The following MEGF11 variants were observed in gnomAD, a reference collection of about 807,000 sequenced individuals.
The protein encoded by MEGF11 is multiple epidermal growth factor-like domains protein 11.
Under a neutral mutation model 146.6 loss-of-function variants are expected in MEGF11, and 126 were observed. That is an observed-to-expected ratio of 0.86 (90% CI 0.74 to 1.00). MEGF11 has a LOEUF of 1.00. MEGF11 is among the 50% of genes least tolerant of loss of function. MEGF11 has a pLI of 0.00. For synonymous variants in MEGF11, 532 were observed against 583.4 expected (o/e 0.91, Z 1.27); for missense variants, 1,509 against 1,521.2 (o/e 0.99, Z 0.13).
chr15:65,954,289 G>A (rs1487918122), intron 10 of MEGF11, among the ~76,000 whole-genome samples: 1 of 152,186 alleles, frequency 6.6e-6, no homozygotes, highest in Non-Finnish European at 1.5e-5. Context: ...ATTACTGACT[G>A]CGGGACATCT....
intron 4 of MEGF11, among the ~76,000 whole-genome samples, chr15:66,105,698 G>C (rs781380240): frequency 6.6e-6 from 1 of 152,216 alleles, no homozygotes; most frequent in African/African-American, 2.4e-5. Flanking sequence ...TGAGCCCTGC[G>C]GCTGTTTCAG....
intron 4 of MEGF11, among the ~76,000 whole-genome samples, chr15:66,106,719 A>T (rs999777354): frequency 2.6e-5 from 4 of 152,130 alleles, no homozygotes; most frequent in African/African-American, 9.7e-5. Flanking sequence ...GCCTCCACAC[A>T]TGCAGACTCA....
chr15:65,906,358 A>T (rs193015653), intron 23 of MEGF11, among the ~76,000 whole-genome samples: 232 of 152,198 alleles, frequency 1.5e-3, no homozygotes, highest in Middle Eastern at 6.8e-3. Context: ...TGTTTTGATT[A>T]TAGGAATTAT....
chr15:66,221,933 A>C (rs1280147551), intron 1 of MEGF11, among the ~76,000 whole-genome samples: 2 of 152,190 alleles, frequency 1.3e-5, no homozygotes, highest in Admixed American at 1.3e-4. Flanking sequence ...GCTGGCCGGC[A>C]ATAAGTATTC....
chr15:65,902,183 A>G (rs1489827414), intron 24 of MEGF11: 1 of 152,248 alleles, frequency 6.6e-6, no homozygotes, highest in Non-Finnish European at 1.5e-5. Context: ...TCAATGCCTA[A>G]AAGAACCTCG....
At chr15:66,207,217 T>C (rs1254741970) in intron 1 of MEGF11, among the ~76,000 whole-genome samples, 1 of 144,798 alleles carries the variant, frequency 6.9e-6, no homozygotes, top group Admixed American at 6.9e-5. Context: ...AAATTCCAAG[T>C]AGGATAATCA....
intron 5 of MEGF11, among the ~76,000 whole-genome samples, chr15:66,059,452 G>A (rs1161715426): frequency 6.6e-6 from 1 of 152,148 alleles, no homozygotes; most frequent in Non-Finnish European, 1.5e-5. Flanking sequence ...CTCATCGGCT[G>A]CCATATTTGC....
At chr15:66,126,569 T>C (rs997538326) in intron 2 of MEGF11, among the ~76,000 whole-genome samples, 3 of 152,156 alleles carry the variant, frequency 2.0e-5, no homozygotes, top group African/African-American at 7.2e-5. Flanking sequence ...GAGGGGGCCC[T>C]CCCTGTGGGG....
intron 10 of MEGF11, among the ~76,000 whole-genome samples, chr15:65,950,981 G>A (rs143871097): frequency 6.6e-6 from 1 of 152,334 alleles, no homozygotes; most frequent in East Asian, 1.9e-4. Context: ...TGCTTTAAGG[G>A]CATTGGGTCT....
intron 1 of MEGF11, among the ~76,000 whole-genome samples, chr15:66,199,794 C>T (rs2091104978): frequency 6.6e-6 from 1 of 151,516 alleles, no homozygotes; most frequent in Admixed American, 6.6e-5. Context: ...ATCTTAAAAA[C>T]AAAAAACAAA....
chr15:65,934,479 G>C (rs187706102), intron 10 of MEGF11, among the ~76,000 whole-genome samples: 5 of 152,232 alleles, frequency 3.3e-5, no homozygotes, highest in Non-Finnish European at 1.5e-5. Context: ...TCGAACTCCC[G>C]ACCTCAGGTG....
At chr15:65,947,129 C>CT (rs112016699) in intron 10 of MEGF11, among the ~76,000 whole-genome samples, 2,113 of 152,250 alleles carry the variant, frequency 0.014, 30 homozygotes, top group South Asian at 0.046. Context: ...TATTCATGAC[C>CT]TTTTTTTGCA....
intron 1 of MEGF11, among the ~76,000 whole-genome samples, chr15:66,176,859 G>C (rs2090400366): frequency 6.6e-6 from 1 of 151,578 alleles, no homozygotes; most frequent in Non-Finnish European, 1.5e-5. Flanking sequence ...CCACCTACCA[G>C]ATCCTGACAG....
At chr15:66,002,424 A>C (rs58979530) in intron 5 of MEGF11, among the ~76,000 whole-genome samples, 274 of 152,336 alleles carry the variant, frequency 1.8e-3, no homozygotes, top group African/African-American at 6.1e-3. Context: ...CATGGTTTAA[A>C]GTGGACCAAG....
At chr15:66,213,731 T>A (rs1215349154) in intron 1 of MEGF11, among the ~76,000 whole-genome samples, 1 of 151,884 alleles carries the variant, frequency 6.6e-6, no homozygotes, top group African/African-American at 2.4e-5. Flanking sequence ...ATTGTTTATT[T>A]TATTTATTTT....
At chr15:65,983,950 A>G (rs912302564) in intron 5 of MEGF11, among the ~76,000 whole-genome samples, 2 of 152,194 alleles carry the variant, frequency 1.3e-5, no homozygotes, top group Admixed American at 6.5e-5. Flanking sequence ...GATCAGCCCC[A>G]CCAGTCCCCG....
chr15:65,918,216 G>C, intron 15 of MEGF11, 122 bp from the exon 16 acceptor site: 2 of 1,417,916 alleles, frequency 1.4e-6, no homozygotes, highest in South Asian at 2.6e-5. Flanking sequence ...CATGGATCTG[G>C]ATGGAGACCA....
chr15:66,015,775 T>C (rs940693425), intron 5 of MEGF11, among the ~76,000 whole-genome samples: 1 of 152,016 alleles, frequency 6.6e-6, no homozygotes, highest in East Asian at 1.9e-4. Context: ...TGGGAAGGAG[T>C]GCTGGGAACT....
chr15:65,922,520 C>G, intron 14 of MEGF11, 48 bp from the exon 15 acceptor site: 1 of 1,498,590 alleles, frequency 6.7e-7, no homozygotes, highest in Non-Finnish European at 8.9e-7. Context: ...AGACCCCAGC[C>G]AGCCTAGCTA....
Sources: gnomAD v4.1 joint callset for allele counts (sites outside exome capture counted in the v4.1 genomes callset) on GRCh38, gnomAD v4.1.1 for gene constraint, MANE v1.5 for transcripts, NCBI Gene and HGNC (gene_info 2026-07-23, HGNC 2026-07-21) for gene names.